Variants in CSMD1 observed in about 807,000 individuals in gnomAD.
CSMD1 encodes CUB and sushi domain-containing protein 1.
CSMD1 carries 213 observed loss-of-function variants against 417.5 expected under a neutral mutation model. The ratio of observed to expected loss-of-function variants is 0.51; its 90% CI spans 0.46 to 0.57. The LOEUF is 0.57. Among genes scored for constraint, CSMD1 ranks in the 20% least tolerant of loss-of-function variants. The pLI, the probability that CSMD1 is intolerant of heterozygous loss-of-function variation, is 0.00. For missense variants in CSMD1, 6,923 were observed against 4,529.7 expected, an observed-to-expected ratio of 1.53 and a Z score of -15.17; for synonymous variants, 2,862 against 1,736.8, an observed-to-expected ratio of 1.65 and a Z score of -16.11.
chr8:4,855,676 G>A (rs921447651), intron 1 of CSMD1, among the ~76,000 whole-genome samples: 2 of 152,118 alleles, frequency 1.3e-5, no homozygotes, highest in African/African-American at 4.8e-5. Flanking sequence ...GATGGAAGAT[G>A]AAATGAATGA....
chr8:3,870,309 G>T (rs1025742792), intron 5 of CSMD1, among the ~76,000 whole-genome samples: 1 of 152,056 alleles, frequency 6.6e-6, no homozygotes, highest in East Asian at 1.9e-4. Flanking sequence ...TATATCCTCA[G>T]ATTTTATTTT....
At chr8:4,797,661 A>G (rs1162561340) in intron 1 of CSMD1, among the ~76,000 whole-genome samples, 2 of 152,236 alleles carry the variant, frequency 1.3e-5, no homozygotes, top group East Asian at 3.9e-4. Context: ...TGATAAAATT[A>G]TCTGAAGCTA....
At chr8:4,354,930 G>A (rs1052963401) in intron 3 of CSMD1, among the ~76,000 whole-genome samples, 18 of 141,864 alleles carry the variant, frequency 1.3e-4, no homozygotes, top group Non-Finnish European at 2.3e-4. Flanking sequence ...AGTATTTTCA[G>A]GTTGAAAGAA....
chr8:3,864,190 A>G (rs1804920708), intron 5 of CSMD1, among the ~76,000 whole-genome samples: 1 of 152,222 alleles, frequency 6.6e-6, no homozygotes, highest in South Asian at 2.1e-4. Flanking sequence ...AAATGATAAA[A>G]ACAGAATAAT....
intron 1 of CSMD1, among the ~76,000 whole-genome samples, chr8:4,714,750 T>A (rs1455592145): frequency 2.6e-5 from 4 of 152,202 alleles, no homozygotes; most frequent in Admixed American, 2.0e-4. Flanking sequence ...ACTTAAATTT[T>A]GCTGAAATAA....
chr8:4,469,719 G>T (rs1166403988), intron 2 of CSMD1, among the ~76,000 whole-genome samples: 2 of 152,046 alleles, frequency 1.3e-5, no homozygotes, highest in African/African-American at 4.8e-5. Flanking sequence ...TTTTGCCCTT[G>T]TCCCTCTACA....
At chr8:4,413,133 T>A (rs1585036537) in intron 3 of CSMD1, among the ~76,000 whole-genome samples, 1 of 152,138 alleles carries the variant, frequency 6.6e-6, no homozygotes, top group East Asian at 1.9e-4. Context: ...ATATATAGAA[T>A]ATGGACAGTC....
At chr8:3,335,968 T>C (rs1807235735) in intron 23 of CSMD1, among the ~76,000 whole-genome samples, 1 of 152,196 alleles carries the variant, frequency 6.6e-6, no homozygotes, top group Non-Finnish European at 1.5e-5. Context: ...ATTTTTATTT[T>C]GGGCTAATTT....
intron 12 of CSMD1, among the ~76,000 whole-genome samples, chr8:3,419,968 A>C (rs1462549966): frequency 6.6e-6 from 1 of 152,182 alleles, no homozygotes; most frequent in Non-Finnish European, 1.5e-5. Context: ...CTGTTTACCT[A>C]ATTGTGGATA....
At chr8:4,580,701 A>G (rs902371304) in intron 2 of CSMD1, among the ~76,000 whole-genome samples, 1 of 152,130 alleles carries the variant, frequency 6.6e-6, no homozygotes, top group African/African-American at 2.4e-5. Flanking sequence ...TAAATGCGAC[A>G]ACACCAGGAA....
chr8:3,480,761 A>C (rs1251576501), intron 11 of CSMD1, among the ~76,000 whole-genome samples: 1 of 152,216 alleles, frequency 6.6e-6, no homozygotes, highest in East Asian at 1.9e-4. Context: ...GGCCAGAAGG[A>C]AGAACTGACA....
At chr8:4,627,474 T>G (rs1802185305) in intron 2 of CSMD1, among the ~76,000 whole-genome samples, 2 of 152,308 alleles carry the variant, frequency 1.3e-5, no homozygotes, top group South Asian at 2.1e-4. Context: ...ATTAACAATT[T>G]TACTGATTCT....
chr8:4,946,308 T>A (rs1479259327), intron 1 of CSMD1, among the ~76,000 whole-genome samples: 1 of 152,192 alleles, frequency 6.6e-6, no homozygotes, highest in Non-Finnish European at 1.5e-5. Context: ...CTCAATCAAT[T>A]AATATGACTA....
In CSMD1 at chr8:4,715,794, C is replaced by A. The variant is rs367574861; in HGVS notation, c.86-78236G>T. ...TGTTATCTCCCCCTTCAAAACGAGC[C>A]CGTCCTCCTATCTCTAGCACTACCC... On this transcript the variant is annotated intron_variant, in intron 1 of 69. Coordinates refer to ENST00000635120, the MANE Select transcript of CSMD1 (RefSeq NM_033225.6). Among the ~76,000 whole-genome samples, 72 of 152,234 alleles carry A rather than the reference C, an allele frequency of 4.7e-4. 1 individual carries two copies. The South Asian group carries it at 0.013, about 29-fold the overall frequency.
chr8:3,772,508 CAT>C (rs374838980), intron 5 of CSMD1, among the ~76,000 whole-genome samples: 378 of 6,850 alleles, frequency 0.055, 94 homozygotes, highest in African/African-American at 0.11. Context: ...CATATATACA[CAT>C]ATATACATAT....
At chr8:4,510,719 C>T (rs1298690546) in intron 2 of CSMD1, among the ~76,000 whole-genome samples, 2 of 145,772 alleles carry the variant, frequency 1.4e-5, no homozygotes, top group Non-Finnish European at 3.0e-5. Context: ...CCTTTCCCTT[C>T]CCTTCCTTGC....
chr8:4,836,904 G>C (rs770857368), intron 1 of CSMD1, among the ~76,000 whole-genome samples: 1 of 152,116 alleles, frequency 6.6e-6, no homozygotes, highest in East Asian at 1.9e-4. Flanking sequence ...TGAGGCTATG[G>C]TTGCTGCTGT....
chr8:2,938,252 C>T lies in CSMD1; in HGVS notation c.*333G>A, dbSNP rs1317576209. On this transcript the variant is annotated 3_prime_UTR_variant, in exon 70 of 70. Coordinates refer to ENST00000635120, the MANE Select transcript of CSMD1 (RefSeq NM_033225.6). ...GAGCCCAGACGATTGCATTGAAAGGCATCTCAGCAACACAGAAATATGAAA... is the reference window on the plus strand; with the variant it reads ...GAGCCCAGACGATTGCATTGAAAGGTATCTCAGCAACACAGAAATATGAAA... 8.4e-6 allele frequency: 2 copies of T among 237,114 alleles called. No individual in the cohort carries two copies. Among genetic ancestry groups the T allele is most frequent in the Non-Finnish European group, 1.6e-5 (2 of 123,506 alleles). 14.7% of individuals were successfully genotyped at this position (237,114 alleles called of 1,614,324 possible). A position where few individuals can be genotyped will look rare whatever the true frequency, so the allele number is the denominator to read the frequency against.
At chr8:4,888,966 C>T (rs1256406665) in intron 1 of CSMD1, among the ~76,000 whole-genome samples, 3 of 151,980 alleles carry the variant, frequency 2.0e-5, no homozygotes, top group South Asian at 4.1e-4. Flanking sequence ...CAATATAATT[C>T]CAATTTCCAA....
Sources: gnomAD v4.1 joint callset for allele counts (sites outside exome capture counted in the v4.1 genomes callset) on GRCh38, gnomAD v4.1.1 for gene constraint, MANE v1.5 for transcripts, NCBI Gene and HGNC (gene_info 2026-07-23, HGNC 2026-07-21) for gene names.